Variants in PTPN12 observed in about 807,000 individuals in gnomAD.
PTPN12 encodes the protein tyrosine-protein phosphatase non-receptor type 12.
Under a neutral mutation model 97.6 loss-of-function variants are expected in PTPN12, and 29 were observed. That is an observed-to-expected ratio of 0.30 (90% CI 0.22 to 0.41). The LOEUF is 0.41. Among genes scored for constraint, PTPN12 ranks in the 10% least tolerant of loss-of-function variants. The pLI is 1.00. For missense variants in PTPN12, 819 were observed against 926.0 expected (o/e 0.88, Z 1.50); for synonymous variants, 327 against 300.4 (o/e 1.09, Z -0.91).
intron 13 of PTPN12, among the ~76,000 whole-genome samples, chr7:77,630,442 A>G (rs1338834526): frequency 6.6e-6 from 1 of 152,188 alleles, no homozygotes; most frequent in East Asian, 1.9e-4. Flanking sequence ...ATGGTATAGT[A>G]TATACTACAC....
At chr7:77,638,824 A>C in intron 17 of PTPN12, 93 bp downstream of exon 17, 1 of 1,453,406 alleles carries the variant, frequency 6.9e-7, no homozygotes, top group Non-Finnish European at 9.0e-7. Flanking sequence ...ACTTGCCAAG[A>C]ATAAAACATG....
At chr7:77,628,425 A>G (rs1789278503) in intron 13 of PTPN12, among the ~76,000 whole-genome samples, 1 of 152,210 alleles carries the variant, frequency 6.6e-6, no homozygotes, top group South Asian at 2.1e-4. Flanking sequence ...GTTGAGAGTA[A>G]ACATATAAAT....
At chr7:77,603,312 T>A (rs540926518) in intron 8 of PTPN12, among the ~76,000 whole-genome samples, 21 of 152,346 alleles carry the variant, frequency 1.4e-4, no homozygotes, top group Admixed American at 2.6e-4. Context: ...AAAAACTAAA[T>A]TGACCGTTAA....
chr7:77,558,535 A>C (rs73368560), intron 1 of PTPN12, among the ~76,000 whole-genome samples: 2,587 of 152,292 alleles, frequency 0.017, 66 homozygotes, highest in African/African-American at 0.059. Flanking sequence ...ACAGATGTGG[A>C]GGGGAGAGAG....
At chr7:77,575,428 A>G (rs1562722606) in intron 2 of PTPN12, among the ~76,000 whole-genome samples, 2 of 152,166 alleles carry the variant, frequency 1.3e-5, no homozygotes, top group Non-Finnish European at 2.9e-5. Flanking sequence ...GGATCACTTG[A>G]GACCAGGAGG....
At chr7:77,552,192 C>T (rs1003044373) in intron 1 of PTPN12, among the ~76,000 whole-genome samples, 2 of 152,184 alleles carry the variant, frequency 1.3e-5, no homozygotes, top group Non-Finnish European at 2.9e-5. Flanking sequence ...TCACAGCTCA[C>T]TGTAGCCTCA....
chr7:77,540,582 T>TA (rs1806920523), intron 1 of PTPN12, among the ~76,000 whole-genome samples: 1 of 151,990 alleles, frequency 6.6e-6, no homozygotes, highest in Admixed American at 6.5e-5. Flanking sequence ...TCTTCCATGA[T>TA]ACCTAGGTAT....
chr7:77,638,761 A>G, intron 17 of PTPN12, 30 bp downstream of exon 17: 1 of 1,583,988 alleles, frequency 6.3e-7, no homozygotes, highest in Admixed American at 1.9e-5. Flanking sequence ...ATTTTTAGTA[A>G]GTAGTTAACA....
chr7:77,617,138 G>A (rs1202011247), intron 11 of PTPN12, among the ~76,000 whole-genome samples: 1 of 152,126 alleles, frequency 6.6e-6, no homozygotes, highest in Non-Finnish European at 1.5e-5. Flanking sequence ...CTGAGGATCT[G>A]AAACTTTGGC....
intron 1 of PTPN12, among the ~76,000 whole-genome samples, chr7:77,544,135 A>G (rs1289849475): frequency 5.3e-5 from 8 of 152,210 alleles, no homozygotes; most frequent in Admixed American, 4.6e-4. Context: ...AATCAGGAAT[A>G]TATGAGGGTT....
intron 8 of PTPN12, among the ~76,000 whole-genome samples, chr7:77,604,461 G>T (rs1788294430): frequency 6.6e-6 from 1 of 151,860 alleles, no homozygotes; most frequent in African/African-American, 2.4e-5. Context: ...GTGATCACCT[G>T]CCTCGGCCTC....
At position 77,610,754 on chromosome 7, in the gene PTPN12, TTC is replaced by T; in HGVS notation, c.763-9_763-8del. 2 of 1,581,274 alleles carry T rather than the reference TTC, an allele frequency of 1.3e-6. No individual in the cohort carries two copies. Among genetic ancestry groups the T allele is most frequent in the East Asian group, 2.2e-5 (1 of 44,616 alleles). ...ATACACAAAGTTGATGTATTAAATTTTCTGTTTTAGAAAATACCAGAGGAATT... is the reference window on the plus strand; with the variant it reads ...ATACACAAAGTTGATGTATTAAATTTTGTTTTAGAAAATACCAGAGGAATT... On this transcript the variant is annotated splice_polypyrimidine_tract_variant and intron_variant, in intron 9 of 17. Coordinates refer to ENST00000248594, the MANE Select transcript of PTPN12 (RefSeq NM_002835.4).
At position 77,627,523 on chromosome 7, in the gene PTPN12, G is replaced by A. The variant is rs1299940192; in HGVS notation, c.1844G>A (p.Gly615Asp). ...GACTCAGATGAAAGAAACTCTGATG[G>A]TGCTGTGACCCAGAATAAAACTAAT... The part of the protein sequence containing the change: ...DSDSDERNSD[G>D]AVTQNKTNIS... The change falls in exon 13 of 18, where the codon GGT becomes GAT. Residue 615 changes from glycine (G) to aspartate (D), a missense_variant. By Grantham distance (94) the Gly-to-Asp change is moderately conservative. Transcript: ENST00000248594. 1 of 1,613,926 alleles carries A rather than the reference G, an allele frequency of 6.2e-7. No homozygotes were observed. The highest frequency in any genetic ancestry group is 8.5e-7 in the Non-Finnish European group (1 of 1,179,984).
chr7:77,547,980 T>G (rs1017984260), intron 1 of PTPN12, among the ~76,000 whole-genome samples: 14 of 152,188 alleles, frequency 9.2e-5, no homozygotes, highest in Admixed American at 6.5e-4. Context: ...TCCTGAGTGT[T>G]TTGATGAGGA....
intron 11 of PTPN12, among the ~76,000 whole-genome samples, chr7:77,614,018 A>G (rs1788665148): frequency 2.0e-5 from 3 of 152,074 alleles, no homozygotes; most frequent in Admixed American, 2.0e-4. Context: ...CAGCCTCCCA[A>G]GTAGCTGAGA....
intron 6 of PTPN12, among the ~76,000 whole-genome samples, chr7:77,596,690 G>A (rs1788032807): frequency 6.6e-6 from 1 of 152,192 alleles, no homozygotes; most frequent in Non-Finnish European, 1.5e-5. Context: ...GGCATTACAG[G>A]TGTGAGCCAC....
At chr7:77,631,748 T>C (rs1433867658) in intron 13 of PTPN12, among the ~76,000 whole-genome samples, 1 of 152,220 alleles carries the variant, frequency 6.6e-6, no homozygotes, top group East Asian at 1.9e-4. Flanking sequence ...TCTTTAGCAA[T>C]AAATAAATGA....
At chr7:77,569,803 CTT>C (rs1808400177) in intron 1 of PTPN12, among the ~76,000 whole-genome samples, 1 of 152,156 alleles carries the variant, frequency 6.6e-6, no homozygotes, top group Non-Finnish European at 1.5e-5. Context: ...TGGTATGTAA[CTT>C]TGAATATAAA....
At position 77,623,393 on chromosome 7, in the gene PTPN12, T is replaced by C. The variant is rs146546426; in HGVS notation, c.1026-3312T>C. Among the ~76,000 whole-genome samples the C allele has an allele frequency of 8.5e-4, 129 of 152,358 alleles. No homozygotes were observed. In the Middle Eastern group the frequency reaches 0.027, roughly 32 times the overall value. On this transcript the variant is annotated intron_variant, in intron 12 of 17. Transcript: ENST00000248594. The stretch of plus-strand genomic sequence containing the variant: ...GGTACTGTTAAGGATATATGGGGTT[T>C]GTTAATCAAGTAAATCTGTAAAATA...
Sources: allele counts gnomAD v4.1 joint callset (sites outside exome capture counted in the v4.1 genomes callset), GRCh38; gene constraint gnomAD v4.1.1; transcripts MANE v1.5; gene names NCBI Gene and HGNC (gene_info 2026-07-23, HGNC 2026-07-21).